Variants in ZNF701 observed in about 807,000 individuals in gnomAD.
ZNF701 encodes zinc finger protein 701.
A neutral mutation model predicts 7.1 loss-of-function variants in ZNF701; 6 were observed. That is an observed-to-expected ratio of 0.84 (90% CI 0.46 to 1.66). ZNF701 has a LOEUF of 1.66. ZNF701 is among the 40% of genes most tolerant of loss of function. The pLI is 0.01. For synonymous variants in ZNF701, 166 were observed against 188.2 expected, an observed-to-expected ratio of 0.88 and a Z score of 0.97; for missense variants, 541 against 559.2, an observed-to-expected ratio of 0.97 and a Z score of 0.33.
intron 1 of ZNF701, among the ~76,000 whole-genome samples, chr19:52,571,234 G>A (rs2059896508): frequency 1.4e-5 from 1 of 73,566 alleles, no homozygotes; most frequent in African/African-American, 4.6e-5. Flanking sequence ...TCATCAGAGT[G>A]AGAGAGAGAG....
At chr19:52,594,507 TTTTTGTTTTTTG>T in the ZNF701 span, among the ~76,000 whole-genome samples, 1 of 123,216 alleles carries the variant, frequency 8.1e-6, no homozygotes, top group African/African-American at 3.1e-5. Context: ...TGTTCTGTTT[TTTTTGTTTTTTG>T]TTTTTTGTTT....
intron 3 of ZNF701, among the ~76,000 whole-genome samples, chr19:52,577,373 A>G (rs959844254): frequency 2.4e-4 from 36 of 152,120 alleles, no homozygotes; most frequent in African/African-American, 8.7e-4. Flanking sequence ...GTGTGGACCT[A>G]AGATTACCTA....
chr19:52,582,470 A>C lies in ZNF701; in HGVS notation c.411A>C (p.Lys137Asn), dbSNP rs1483337364. 2 of 1,614,200 alleles carry C rather than the reference A, an allele frequency of 1.2e-6. No homozygotes were observed. The highest frequency in any genetic ancestry group is 2.2e-5 in the South Asian group (2 of 91,088). Reference protein sequence around the residue: ...DQRHAGNKPIKNELGSSFHSH... With the variant: ...DQRHAGNKPINNELGSSFHSH... ...GGCATGCTGGAAACAAACCTATTAA[A>C]AATGAGCTTGGATCAAGCTTTCATT... Residue 137 changes from lysine (K) to asparagine (N), a missense_variant, in exon 4 of 4, where the codon AAA becomes AAC. Transcript: ENST00000391785.
chr19:52,599,284 G>C, the ZNF701 span, among the ~76,000 whole-genome samples: 2 of 151,856 alleles, frequency 1.3e-5, no homozygotes, highest in African/African-American at 4.8e-5. Context: ...CTCTTTGAAA[G>C]GCAAACAACA....
rs2060008589 is a variant in ZNF701, at chr19:52,585,931, G to A, written c.*2474G>A. 6.6e-6 allele frequency: 1 copy of A among 152,280 alleles called. No individual in the cohort carries two copies. Among genetic ancestry groups the A allele is most frequent in the African/African-American group, 2.4e-5 (1 of 41,450 alleles). 9.4% of individuals were successfully genotyped at this position (152,280 alleles called of 1,614,324 possible). On this transcript the variant is annotated 3_prime_UTR_variant, in exon 4 of 4. Coordinates refer to ENST00000391785, the MANE Select transcript of ZNF701 (RefSeq NM_018260.3). ...TAGCCTTTGATCCTTTGTTACTTTG[G>A]GTGGGAAGATGGGGTTTTTCCTTTT...
rs1458964434 is a variant in ZNF701, at chr19:52,585,059, C to G, written c.*1602C>G. The stretch of plus-strand genomic sequence containing the variant: ...AAATTCCGGCCCCTCTTTCTCAACT[C>G]AGAGCAAATTGAGACGTCCGGGTGG... On this transcript the variant is annotated 3_prime_UTR_variant, in exon 4 of 4. Coordinates refer to ENST00000391785, the MANE Select transcript of ZNF701 (RefSeq NM_018260.3). 1 of 152,236 alleles carries G rather than the reference C, an allele frequency of 6.6e-6. No homozygotes were observed. Among genetic ancestry groups the G allele is most frequent in the Non-Finnish European group, 1.5e-5 (1 of 68,070 alleles). The allele number at this position is 152,236 out of a possible 1,614,324, so 9.4% of individuals were successfully genotyped here.
chr19:52,575,364 A>T (rs2059927427), intron 2 of ZNF701, among the ~76,000 whole-genome samples: 1 of 151,984 alleles, frequency 6.6e-6, no homozygotes, highest in African/African-American at 2.4e-5. Flanking sequence ...ACACACACAC[A>T]TATGTATATA....
At chr19:52,588,807 A>C (rs2060025579), downstream of ZNF701, among the ~76,000 whole-genome samples, 1 of 152,122 alleles carries the variant, frequency 6.6e-6, no homozygotes, top group Non-Finnish European at 1.5e-5. Context: ...TCACTGGAGC[A>C]ATCTGGGCTC....
In ZNF701 at chr19:52,587,026, A is replaced by T. The variant is rs1418267250; in HGVS notation, c.*3569A>T. ...ACATCAAACAGGCATCTCCACCTTC[A>T]TGTGTCTATAAGTGACTTCCTAAAC... On this transcript the variant is annotated 3_prime_UTR_variant, in exon 4 of 4. Coordinates refer to ENST00000391785, the MANE Select transcript of ZNF701 (RefSeq NM_018260.3). 2 of 152,048 alleles carry T rather than the reference A, an allele frequency of 1.3e-5. No homozygotes were observed. The highest frequency in any genetic ancestry group is 2.4e-5 in the African/African-American group (1 of 41,368). 9.4% of individuals were successfully genotyped at this position (152,048 alleles called of 1,614,324 possible). A position where few individuals can be genotyped will look rare whatever the true frequency, so the allele number is the denominator to read the frequency against.
In ZNF701 at chr19:52,583,749, C is replaced by G. The variant is rs777097693; in HGVS notation, c.*292C>G. The stretch of plus-strand genomic sequence containing the variant: ...CAGAGCCTTTGGTGGTCAGTCAACA[C>G]TTACTCACCATCAAGCAATCCATGG... On this transcript the variant is annotated 3_prime_UTR_variant, in exon 4 of 4. Transcript: ENST00000391785. 2.9e-6 allele frequency: 2 copies of G among 688,244 alleles called. No individual in the cohort carries two copies. Among genetic ancestry groups the G allele is most frequent in the Admixed American group, 2.2e-5 (1 of 46,010 alleles). The allele number at this position is 688,244 out of a possible 1,614,324, so 42.6% of individuals were successfully genotyped here.
At chr19:52,577,973 A>C (rs1209579613) in intron 3 of ZNF701, among the ~76,000 whole-genome samples, 1 of 151,992 alleles carries the variant, frequency 6.6e-6, no homozygotes, top group African/African-American at 2.4e-5. Context: ...TGCATAGAAG[A>C]GCCGGGCGCA....
intron 1 of ZNF701, chr19:52,572,414 G>A: frequency 2.3e-6 from 3 of 1,279,938 alleles, no homozygotes; most frequent in Non-Finnish European, 2.0e-6. Context: ...AAATGTTACT[G>A]TAATTTTCTT....
In ZNF701 at chr19:52,584,396, T is replaced by C. The variant is rs965289833; in HGVS notation, c.*939T>C. On this transcript the variant is annotated 3_prime_UTR_variant, in exon 4 of 4. Coordinates refer to ENST00000391785, the MANE Select transcript of ZNF701 (RefSeq NM_018260.3). ...CAGCACTTTAGGAGCCCAAGGTGGA[T>C]AGATCACTTGAGGTCATGAGTTTGA... is the stretch of plus-strand genomic sequence containing the variant. The C allele has an allele frequency of 6.4e-6, 1 of 156,094 alleles. No individual in the cohort carries two copies. The highest frequency in any genetic ancestry group is 1.4e-5 in the Non-Finnish European group (1 of 70,518). 9.7% of individuals were successfully genotyped at this position (156,094 alleles called of 1,614,324 possible).
the ZNF701 span, among the ~76,000 whole-genome samples, chr19:52,592,824 CAG>C: frequency 1.0e-4 from 5 of 48,874 alleles, 2 homozygotes; most frequent in East Asian, 1.9e-3. Flanking sequence ...GTGTTTCTCA[CAG>C]AGGGGGATTT....
At chr19:52,578,448 AGC>A (rs2059951800) in intron 3 of ZNF701, among the ~76,000 whole-genome samples, 1 of 151,998 alleles carries the variant, frequency 6.6e-6, no homozygotes, top group African/African-American at 2.4e-5. Flanking sequence ...AATAAATATC[AGC>A]GCACCCAGCT....
chr19:52,588,546 G>T, downstream of ZNF701: 1 of 349,312 alleles, frequency 2.9e-6, no homozygotes, highest in South Asian at 2.8e-5. Context: ...GATTTCCAAA[G>T]ACTCATGCTA....
Position 52,583,455 on chromosome 19 carries a change from T to C in ZNF701, c.1396T>C (p.Ter466GlnextTer112). 5 of 1,610,818 alleles carry C rather than the reference T, an allele frequency of 3.1e-6. No individual in the cohort carries two copies. Among genetic ancestry groups the C allele is most frequent in the Non-Finnish European group, 3.4e-6 (4 of 1,178,322 alleles). Residue 466 changes from the stop codon to glutamine, a stop_lost, in exon 4 of 4, where the codon TAG (stop) becomes CAG (glutamine). Coordinates refer to ENST00000391785, the MANE Select transcript of ZNF701 (RefSeq NM_018260.3). ...HHRLHTGKKS[*>Q] ...TAGACTTCATACTGGAAAGAAATCT[T>C]AGAAGTGTAAATTTGCAAGGTTTTT... is the stretch of plus-strand genomic sequence containing the variant.
At chr19:52,597,127 C>A in the ZNF701 span, 3 of 823,316 alleles carry the variant, frequency 3.6e-6, no homozygotes, top group South Asian at 2.6e-5. Flanking sequence ...AGACATCGAT[C>A]ATATCTTGCA....
chr19:52,588,820 T>C (rs969718230), downstream of ZNF701, among the ~76,000 whole-genome samples: 1 of 152,174 alleles, frequency 6.6e-6, no homozygotes, highest in African/African-American at 2.4e-5. Context: ...CTGGGCTCAC[T>C]GCAACCTCCA....
Sources: allele counts gnomAD v4.1 joint callset (sites outside exome capture counted in the v4.1 genomes callset), GRCh38; gene constraint gnomAD v4.1.1; transcripts MANE v1.5; gene names NCBI Gene and HGNC (gene_info 2026-07-23, HGNC 2026-07-21).